CAMKMT: variants seen among roughly 807,000 people sequenced by gnomAD.
CAMKMT encodes the protein CaM KMT.
In CAMKMT, 53 loss-of-function variants were observed where a neutral mutation model predicts 48.0. The observed-to-expected ratio is 1.10, with a 90% CI of 0.89 to 1.39. The LOEUF is 1.39. Among genes scored for constraint, CAMKMT ranks in the 40% most tolerant of loss-of-function variants. CAMKMT has a pLI of 0.00. For synonymous variants in CAMKMT, 165 were observed against 152.3 expected (o/e 1.08, Z -0.61); for missense variants, 428 against 402.7 (o/e 1.06, Z -0.54).
intron 7 of CAMKMT, among the ~76,000 whole-genome samples, chr2:44,739,699 G>T (rs1268430764): frequency 6.6e-6 from 1 of 152,196 alleles, no homozygotes; most frequent in African/African-American, 2.4e-5. Flanking sequence ...TGGTGGAACG[G>T]TGGGGACAAA....
At chr2:44,610,759 T>G (rs1309863073) in intron 3 of CAMKMT, among the ~76,000 whole-genome samples, 1 of 152,222 alleles carries the variant, frequency 6.6e-6, no homozygotes, top group Non-Finnish European at 1.5e-5. Context: ...CATATAGAAC[T>G]CTTCTCCTGA....
chr2:44,375,582 T>C (rs1420463088), intron 2 of CAMKMT, among the ~76,000 whole-genome samples: 2 of 152,122 alleles, frequency 1.3e-5, no homozygotes, highest in African/African-American at 4.8e-5. Flanking sequence ...TTGGAAATGA[T>C]TTTTAAAAAA....
chr2:44,621,583 G>A (rs548739744), intron 3 of CAMKMT, among the ~76,000 whole-genome samples: 52 of 152,322 alleles, frequency 3.4e-4, no homozygotes, highest in Admixed American at 2.9e-3. Flanking sequence ...GAAGGAATGT[G>A]TTTAGTATGT....
chr2:44,464,652 A>C (rs1234627954), intron 3 of CAMKMT, among the ~76,000 whole-genome samples: 2 of 152,212 alleles, frequency 1.3e-5, no homozygotes, highest in African/African-American at 4.8e-5. Flanking sequence ...GAAATGTTAC[A>C]GGTCAGAAAG....
chr2:44,610,897 A>G (rs928092234), intron 3 of CAMKMT, among the ~76,000 whole-genome samples: 1 of 152,206 alleles, frequency 6.6e-6, no homozygotes, highest in Non-Finnish European at 1.5e-5. Flanking sequence ...CAAACTTTCT[A>G]ATCTCCCTCA....
chr2:44,466,452 A>G lies in CAMKMT; in HGVS notation c.376+76147A>G, dbSNP rs374220472. On this transcript the variant is annotated intron_variant, in intron 3 of 10. Transcript: ENST00000378494. ...CACTGTGTCAAAAAAATCACCAGAG[A>G]AATTAGAAAACATCTGAAGGCAAAT... 2.0e-5 allele frequency among the ~76,000 whole-genome samples: 3 copies of G among 152,324 alleles called. No homozygotes were observed. In the East Asian group the frequency reaches 5.8e-4, roughly 29 times the overall value.
At chr2:44,525,413 C>A (rs1671353778) in intron 3 of CAMKMT, among the ~76,000 whole-genome samples, 1 of 151,970 alleles carries the variant, frequency 6.6e-6, no homozygotes, top group African/African-American at 2.4e-5. Context: ...TGCCACCATA[C>A]CCAGATAATT....
At chr2:44,581,868 G>A (rs533517638) in intron 3 of CAMKMT, among the ~76,000 whole-genome samples, 2 of 152,040 alleles carry the variant, frequency 1.3e-5, no homozygotes, top group African/African-American at 2.4e-5. Flanking sequence ...GCGTGGTGCC[G>A]CGCGCCTGTA....
intron 3 of CAMKMT, among the ~76,000 whole-genome samples, chr2:44,476,407 T>A (rs1469977655): frequency 6.6e-6 from 1 of 152,192 alleles, no homozygotes; most frequent in Non-Finnish European, 1.5e-5. Flanking sequence ...GGATACATAG[T>A]GACTTTGTAG....
At chr2:44,480,384 G>A (rs1298591352) in intron 3 of CAMKMT, among the ~76,000 whole-genome samples, 2 of 152,100 alleles carry the variant, frequency 1.3e-5, no homozygotes, top group African/African-American at 2.4e-5. Flanking sequence ...AGTTTTAACG[G>A]TCAAGTGAAC....
intron 7 of CAMKMT, among the ~76,000 whole-genome samples, chr2:44,721,767 CGAAATCAGCCTGGGAGTTT>C (rs998059554): frequency 1.3e-5 from 2 of 150,592 alleles, no homozygotes; most frequent in Non-Finnish European, 2.9e-5. Flanking sequence ...CCCAGGAGTT[CGAAATCAGCCTGGGAGTTT>C]GAAATCAGCC....
intron 3 of CAMKMT, among the ~76,000 whole-genome samples, chr2:44,440,087 A>T (rs78896747): frequency 1.3e-5 from 2 of 152,140 alleles, no homozygotes; most frequent in Non-Finnish European, 2.9e-5. Flanking sequence ...TTAGAGGTAA[A>T]GAGTGTTGAA....
chr2:44,550,273 T>G (rs182121156), intron 3 of CAMKMT, among the ~76,000 whole-genome samples: 3 of 151,876 alleles, frequency 2.0e-5, no homozygotes, highest in Non-Finnish European at 4.4e-5. Flanking sequence ...TGGTGACACA[T>G]GACTGTAGTC....
At chr2:44,744,103 T>A (rs796607231) in intron 8 of CAMKMT, among the ~76,000 whole-genome samples, 10 of 152,234 alleles carry the variant, frequency 6.6e-5, no homozygotes, top group African/African-American at 2.4e-4. Flanking sequence ...TAAGGGAAAA[T>A]ATATGTGTGT....
chr2:44,597,454 G>C (rs1670730447), intron 3 of CAMKMT, among the ~76,000 whole-genome samples: 2 of 152,168 alleles, frequency 1.3e-5, no homozygotes, highest in Admixed American at 6.5e-5. Flanking sequence ...GTCACATTCT[G>C]AACTCTTTGT....
chr2:44,583,893 T>A (rs1669707302), intron 3 of CAMKMT, among the ~76,000 whole-genome samples: 1 of 152,202 alleles, frequency 6.6e-6, no homozygotes, highest in South Asian at 2.1e-4. Flanking sequence ...GACAAGTGTA[T>A]ACAAATATCC....
chr2:44,696,878 G>T (rs77004039), intron 3 of CAMKMT, among the ~76,000 whole-genome samples: 9 of 152,112 alleles, frequency 5.9e-5, no homozygotes, highest in African/African-American at 2.2e-4. Context: ...AACAGGAATA[G>T]GATGCTTATA....
intron 3 of CAMKMT, among the ~76,000 whole-genome samples, chr2:44,544,385 C>G (rs1440819346): frequency 6.6e-6 from 1 of 152,128 alleles, no homozygotes; most frequent in Non-Finnish European, 1.5e-5. Context: ...GACAAAAATT[C>G]TACAATTGAT....
At chr2:44,555,524 A>C (rs145001328) in intron 3 of CAMKMT, among the ~76,000 whole-genome samples, 1 of 152,308 alleles carries the variant, frequency 6.6e-6, no homozygotes, top group African/African-American at 2.4e-5. Context: ...GAGCTTTCCC[A>C]ATAGGCCTTT....
Sources: gnomAD v4.1 joint callset for allele counts (sites outside exome capture counted in the v4.1 genomes callset) on GRCh38, gnomAD v4.1.1 for gene constraint, MANE v1.5 for transcripts, NCBI Gene and HGNC (gene_info 2026-07-23, HGNC 2026-07-21) for gene names.